Variants in ADK observed in about 807,000 individuals in gnomAD.
ADK encodes the protein N6,N6-dimethyladenosine kinase.
A neutral mutation model predicts 44.7 loss-of-function variants in ADK; 24 were observed. That is an observed-to-expected ratio of 0.54 (90% CI 0.39 to 0.76). The LOEUF (loss-of-function observed/expected upper bound fraction) is 0.76. ADK is among the 30% of genes least tolerant of loss of function. The probability of loss-of-function intolerance (pLI) is 0.00; values close to 1 mark genes in which losing one functional copy is unlikely to be tolerated. For missense variants in ADK, 321 were observed against 425.1 expected, an observed-to-expected ratio of 0.76 and a Z score of 2.15; for synonymous variants, 128 against 142.6, an observed-to-expected ratio of 0.90 and a Z score of 0.73.
intron 6 of ADK, among the ~76,000 whole-genome samples, chr10:74,517,639 T>A (rs1848645359): frequency 6.7e-6 from 1 of 150,118 alleles, no homozygotes. Context: ...CACTGAGCTG[T>A]GATTGCACCA....
At chr10:74,541,654 A>G (rs966850725) in intron 7 of ADK, among the ~76,000 whole-genome samples, 1 of 151,776 alleles carries the variant, frequency 6.6e-6, no homozygotes, top group South Asian at 2.1e-4. Flanking sequence ...TTCACCAGGC[A>G]TGATGGCACA....
intron 6 of ADK, among the ~76,000 whole-genome samples, chr10:74,481,182 T>C (rs1041257384): frequency 2.6e-5 from 4 of 152,214 alleles, no homozygotes; most frequent in African/African-American, 9.6e-5. Flanking sequence ...TCATATATTG[T>C]TTTATTTGTA....
At chr10:74,218,876 C>G (rs189474395) in intron 2 of ADK, among the ~76,000 whole-genome samples, 2,724 of 152,236 alleles carry the variant, frequency 0.018, 44 homozygotes, top group Non-Finnish European at 0.026. Flanking sequence ...AAGCACTAAA[C>G]AAGGAAAGGA....
intron 5 of ADK, among the ~76,000 whole-genome samples, chr10:74,397,178 G>A (rs932150834): frequency 5.9e-5 from 9 of 151,904 alleles, no homozygotes; most frequent in African/African-American, 2.2e-4. Flanking sequence ...TAGTTATTTT[G>A]TATATGAATA....
chr10:74,566,622 A>G (rs1274958829), intron 7 of ADK, among the ~76,000 whole-genome samples: 5 of 152,222 alleles, frequency 3.3e-5, no homozygotes, highest in Non-Finnish European at 7.3e-5. Context: ...GTGCTTAAAC[A>G]TAGTAAGATT....
chr10:74,185,221 A>G (rs140707780), intron 1 of ADK, among the ~76,000 whole-genome samples: 2 of 152,324 alleles, frequency 1.3e-5, no homozygotes, highest in African/African-American at 4.8e-5. Flanking sequence ...GGAACTTACT[A>G]TTTGATAGAG....
At chr10:74,343,962 C>G (rs1031928769) in intron 4 of ADK, among the ~76,000 whole-genome samples, 2 of 152,096 alleles carry the variant, frequency 1.3e-5, no homozygotes, top group Non-Finnish European at 2.9e-5. Context: ...GTTTTCTATT[C>G]TATTGATATG....
At chr10:74,551,666 A>G (rs1032888204) in intron 7 of ADK, among the ~76,000 whole-genome samples, 3 of 152,226 alleles carry the variant, frequency 2.0e-5, no homozygotes, top group Non-Finnish European at 2.9e-5. Flanking sequence ...TTCTTTCCCT[A>G]TAACCAATAC....
chr10:74,428,578 G>A (rs1429686483), intron 6 of ADK, among the ~76,000 whole-genome samples: 3 of 152,202 alleles, frequency 2.0e-5, no homozygotes, highest in African/African-American at 7.2e-5. Flanking sequence ...TTTACTTACA[G>A]TGGCATGCTG....
chr10:74,251,568 A>G (rs1349620519), intron 3 of ADK, among the ~76,000 whole-genome samples: 2 of 152,230 alleles, frequency 1.3e-5, no homozygotes, highest in African/African-American at 4.8e-5. Flanking sequence ...TCTCCTAGCA[A>G]TATGAGTTAA....
At chr10:74,573,309 A>G (rs1366818223) in intron 7 of ADK, among the ~76,000 whole-genome samples, 1 of 152,190 alleles carries the variant, frequency 6.6e-6, no homozygotes, top group Non-Finnish European at 1.5e-5. Context: ...CGGTGGCTGC[A>G]GAACAGCAGA....
chr10:74,564,000 G>A (rs747563567), intron 7 of ADK, among the ~76,000 whole-genome samples: 22 of 151,714 alleles, frequency 1.5e-4, no homozygotes, highest in South Asian at 2.1e-4. Context: ...CCACTAACTC[G>A]TCATCTAGCA....
intron 9 of ADK, among the ~76,000 whole-genome samples, chr10:74,624,776 G>A (rs1225150131): frequency 6.6e-6 from 1 of 151,942 alleles, no homozygotes; most frequent in Non-Finnish European, 1.5e-5. Context: ...GGGCAAACCA[G>A]CCCATATGGT....
intron 6 of ADK, among the ~76,000 whole-genome samples, chr10:74,408,677 C>T (rs532337687): frequency 2.0e-5 from 3 of 151,900 alleles, no homozygotes; most frequent in South Asian, 2.1e-4. Flanking sequence ...TTGATTAACA[C>T]GTATTTTGTA....
chr10:74,540,346 G>C (rs1208347794), intron 7 of ADK, among the ~76,000 whole-genome samples: 1 of 151,748 alleles, frequency 6.6e-6, no homozygotes, highest in Admixed American at 6.6e-5. Context: ...ATTTGTTTCA[G>C]TTACTGTACT....
chr10:74,203,873 T>G (rs1451478209), intron 2 of ADK, among the ~76,000 whole-genome samples: 3 of 151,768 alleles, frequency 2.0e-5, no homozygotes, highest in Admixed American at 6.6e-5. Flanking sequence ...TTGATTGGAA[T>G]TACATTGAAT....
chr10:74,170,313 C>T (rs1478570814), intron 1 of ADK, among the ~76,000 whole-genome samples: 2 of 151,872 alleles, frequency 1.3e-5, no homozygotes, highest in African/African-American at 4.8e-5. Flanking sequence ...TTTTGTTATT[C>T]CTGTCTTAAA....
chr10:74,361,162 C>G (rs962076329), intron 4 of ADK, among the ~76,000 whole-genome samples: 12 of 152,206 alleles, frequency 7.9e-5, no homozygotes, highest in Admixed American at 2.0e-4. Flanking sequence ...CCTCGGCCTC[C>G]CAAAGTGTTG....
chr10:74,697,969 A>G (rs1396024665), intron 10 of ADK, among the ~76,000 whole-genome samples: 1 of 152,230 alleles, frequency 6.6e-6, no homozygotes, highest in Non-Finnish European at 1.5e-5. Context: ...CACATTTTGT[A>G]ACATCAGTAA....
Sources: gnomAD v4.1 joint callset for allele counts (sites outside exome capture counted in the v4.1 genomes callset) on GRCh38, gnomAD v4.1.1 for gene constraint, MANE v1.5 for transcripts, NCBI Gene and HGNC (gene_info 2026-07-23, HGNC 2026-07-21) for gene names.